TAB2: variants seen among roughly 807,000 people sequenced by gnomAD.
TAB2 encodes TGF-beta-activated kinase 1 and MAP3K7-binding protein 2.
A neutral mutation model predicts 65.0 loss-of-function variants in TAB2; 3 were observed. That is an observed-to-expected ratio of 0.05 (90% CI 0.02 to 0.12). The LOEUF (loss-of-function observed/expected upper bound fraction) is 0.12, where lower values mean the gene tolerates loss of function less well. Ranked by LOEUF, TAB2 falls within the 10% of genes least tolerant of loss-of-function variation. The pLI is 1.00. For missense variants in TAB2, 623 were observed against 840.3 expected (o/e 0.74, Z 3.20); for synonymous variants, 298 against 285.1 (o/e 1.05, Z -0.46).
At chr6:149,270,048 C>A (rs934875503) in intron 1 of TAB2, among the ~76,000 whole-genome samples, 1 of 152,224 alleles carries the variant, frequency 6.6e-6, no homozygotes, top group Non-Finnish European at 1.5e-5. Flanking sequence ...TGCCATTTTG[C>A]AGCCACATCA....
At chr6:149,268,993 G>T (rs1349869511) in intron 1 of TAB2, among the ~76,000 whole-genome samples, 2 of 152,180 alleles carry the variant, frequency 1.3e-5, no homozygotes, top group African/African-American at 4.8e-5. Flanking sequence ...AGTACAAGGG[G>T]CTCCTGCTGT....
intron 1 of TAB2, among the ~76,000 whole-genome samples, chr6:149,277,993 ACTTGAAG>A (rs1583061349): frequency 1.3e-5 from 2 of 152,262 alleles, no homozygotes; most frequent in East Asian, 3.9e-4. Flanking sequence ...CAATAACAGA[ACTTGAAG>A]CTTGAAAGCC....
upstream of TAB2, among the ~76,000 whole-genome samples, chr6:149,313,858 G>A (rs1419475919): frequency 6.6e-6 from 1 of 152,174 alleles, no homozygotes; most frequent in Non-Finnish European, 1.5e-5. Context: ...GGTGTGGGGA[G>A]CAGTTCTGGG....
At chr6:149,330,490 A>T (rs941512470) in intron 1 of TAB2, among the ~76,000 whole-genome samples, 5 of 152,154 alleles carry the variant, frequency 3.3e-5, no homozygotes, top group African/African-American at 9.7e-5. Context: ...CACCCAGTCT[A>T]ATAGTATGTA....
chr6:149,343,567 C>G (rs896969727), intron 1 of TAB2, among the ~76,000 whole-genome samples: 19 of 151,608 alleles, frequency 1.3e-4, no homozygotes, highest in African/African-American at 4.4e-4. Flanking sequence ...TAGTACTTTA[C>G]CTGAAGAATT....
chr6:149,382,344 T>C (rs1374077629), intron 3 of TAB2, among the ~76,000 whole-genome samples: 1 of 152,160 alleles, frequency 6.6e-6, no homozygotes, highest in African/African-American at 2.4e-5. Flanking sequence ...ACGCCTGTAG[T>C]CCCAGCACTT....
chr6:149,375,614 CAG>C (rs368343863), intron 2 of TAB2, among the ~76,000 whole-genome samples: 17 of 151,882 alleles, frequency 1.1e-4, no homozygotes, highest in African/African-American at 2.2e-4. Flanking sequence ...AGAATGATGA[CAG>C]AGAGGAGGTG....
At chr6:149,284,099 C>T in intron 1 of TAB2, among the ~76,000 whole-genome samples, 1 of 152,120 alleles carries the variant, frequency 6.6e-6, no homozygotes, top group East Asian at 1.9e-4. Flanking sequence ...TTAGTAGACT[C>T]CTATGGCCCA....
chr6:149,238,776 A>G (rs1328345008), intron 1 of TAB2, among the ~76,000 whole-genome samples: 1 of 152,202 alleles, frequency 6.6e-6, no homozygotes. Flanking sequence ...TTTAAAACAC[A>G]GACTTGCCTT....
At chr6:149,251,244 A>G (rs1042851432) in intron 1 of TAB2, among the ~76,000 whole-genome samples, 10 of 152,162 alleles carry the variant, frequency 6.6e-5, no homozygotes, top group Admixed American at 6.5e-4. Context: ...AGTTCTCACC[A>G]CATGACAAGA....
At chr6:149,342,052 A>T (rs1780147950) in intron 1 of TAB2, among the ~76,000 whole-genome samples, 1 of 152,158 alleles carries the variant, frequency 6.6e-6, no homozygotes, top group African/African-American at 2.4e-5. Flanking sequence ...AAATTAAAAA[A>T]AAAAAAATCA....
chr6:149,342,638 T>A (rs1306091905), intron 1 of TAB2: 1 of 152,234 alleles, frequency 6.6e-6, no homozygotes, highest in Non-Finnish European at 1.5e-5. Context: ...TCACATTTCT[T>A]GTTCTGCCTA....
chr6:149,271,281 C>T (rs1778358115), intron 1 of TAB2, among the ~76,000 whole-genome samples: 1 of 152,048 alleles, frequency 6.6e-6, no homozygotes, highest in Non-Finnish European at 1.5e-5. Context: ...CTCTGTAAAA[C>T]ACACATAAAA....
At chr6:149,275,286 A>AAGAAAGAAAGAAAGAAAGAAAGATAGAT (rs1554255842) in intron 1 of TAB2, among the ~76,000 whole-genome samples, 2 of 146,622 alleles carry the variant, frequency 1.4e-5, no homozygotes, top group African/African-American at 5.0e-5. Context: ...GAAAGAAAGA[A>AAGAAAGAAAGAAAGAAAGAAAGATAGAT]AGAAAGAAAG....
At chr6:149,309,522 G>A (rs111400515) in intron 1 of TAB2, among the ~76,000 whole-genome samples, 9,463 of 151,074 alleles carry the variant, frequency 0.063, 953 homozygotes, top group African/African-American at 0.21. Flanking sequence ...TCAGCCTCCC[G>A]AGTAGCTGGG....
intron 1 of TAB2, among the ~76,000 whole-genome samples, chr6:149,300,534 A>T (rs1778952916): frequency 6.6e-6 from 1 of 152,182 alleles, no homozygotes; most frequent in Admixed American, 6.5e-5. Context: ...TGGACTGAAA[A>T]TTACTCTTCT....
At chr6:149,302,747 T>A (rs1280041182) in intron 1 of TAB2, among the ~76,000 whole-genome samples, 3 of 152,252 alleles carry the variant, frequency 2.0e-5, no homozygotes, top group Admixed American at 6.5e-5. Flanking sequence ...GTCATATCTA[T>A]CTATCTATCT....
chr6:149,298,354 C>G (rs1439460448), intron 1 of TAB2, among the ~76,000 whole-genome samples: 3 of 152,152 alleles, frequency 2.0e-5, no homozygotes, highest in Non-Finnish European at 2.9e-5. Flanking sequence ...TTGGCCCAGC[C>G]CATGGCTCAG....
intron 1 of TAB2, among the ~76,000 whole-genome samples, chr6:149,339,099 C>T (rs1460794641): frequency 6.6e-6 from 1 of 152,164 alleles, no homozygotes; most frequent in Non-Finnish European, 1.5e-5. Context: ...GGCACAGTGG[C>T]TCACGCCTGT....
Sources: gnomAD v4.1 joint callset for allele counts (sites outside exome capture counted in the v4.1 genomes callset) on GRCh38, gnomAD v4.1.1 for gene constraint, MANE v1.5 for transcripts, NCBI Gene and HGNC (gene_info 2026-07-23, HGNC 2026-07-21) for gene names.